The following CHCHD3 variants were observed in gnomAD, a reference collection of about 807,000 sequenced individuals.
The protein encoded by CHCHD3 is MICOS complex subunit MIC19.
A neutral mutation model predicts 38.2 loss-of-function variants in CHCHD3; 20 were observed. That is an observed-to-expected ratio of 0.52 (90% CI 0.37 to 0.76). CHCHD3 has a LOEUF of 0.76. CHCHD3 is among the 30% of genes least tolerant of loss of function. The pLI, the probability that CHCHD3 is intolerant of heterozygous loss-of-function variation, is 0.00. For missense variants in CHCHD3, 245 were observed against 279.2 expected (o/e 0.88, Z 0.87); for synonymous variants, 82 against 100.0 (o/e 0.82, Z 1.07).
chr7:132,800,250 C>T (rs1478095311), intron 6 of CHCHD3, among the ~76,000 whole-genome samples: 1 of 152,086 alleles, frequency 6.6e-6, no homozygotes, highest in Non-Finnish European at 1.5e-5. Context: ...TATTAACTAC[C>T]ATTTCTGATT....
At chr7:132,954,559 C>A (rs977923150) in intron 4 of CHCHD3, among the ~76,000 whole-genome samples, 2 of 152,130 alleles carry the variant, frequency 1.3e-5, no homozygotes, top group African/African-American at 2.4e-5. Context: ...GTGACAATGC[C>A]AACATGGGGC....
chr7:132,996,734 G>A (rs1812427083), intron 3 of CHCHD3, among the ~76,000 whole-genome samples: 1 of 152,176 alleles, frequency 6.6e-6, no homozygotes, highest in African/African-American at 2.4e-5. Flanking sequence ...AAGGGAAGAG[G>A]CAGCGGTGCG....
At chr7:132,960,328 A>T in intron 4 of CHCHD3, among the ~76,000 whole-genome samples, 1 of 152,184 alleles carries the variant, frequency 6.6e-6, no homozygotes, top group East Asian at 1.9e-4. Context: ...GCATATGTAC[A>T]GTTAGAGATG....
intron 4 of CHCHD3, among the ~76,000 whole-genome samples, chr7:132,911,704 T>C (rs933249095): frequency 6.6e-6 from 1 of 152,222 alleles, no homozygotes; most frequent in African/African-American, 2.4e-5. Flanking sequence ...TTAGTGTCTT[T>C]TGTGATGGCT....
At chr7:133,061,651 C>T (rs1375731739) in intron 2 of CHCHD3, among the ~76,000 whole-genome samples, 1 of 152,076 alleles carries the variant, frequency 6.6e-6, no homozygotes, top group Non-Finnish European at 1.5e-5. Flanking sequence ...TTTCAAACAC[C>T]TTGTATCTTT....
chr7:132,894,245 T>C (rs1261745520), intron 4 of CHCHD3, among the ~76,000 whole-genome samples: 1 of 152,196 alleles, frequency 6.6e-6, no homozygotes, highest in African/African-American at 2.4e-5. Flanking sequence ...GAGGGAACAA[T>C]TGTAAACTAT....
chr7:132,976,441 A>C (rs906013972), intron 3 of CHCHD3, among the ~76,000 whole-genome samples: 1 of 152,216 alleles, frequency 6.6e-6, no homozygotes, highest in Non-Finnish European at 1.5e-5. Flanking sequence ...ATTGTACATG[A>C]TAAAGATAAA....
Position 132,983,120 on chromosome 7 carries a change from G to C in CHCHD3, c.252-7834C>G, listed in dbSNP as rs373177677. Reference sequence around the variant, plus strand: ...GTGGATTACCTGAGGTCAGGAGTTCGAGACCAGCCTAGCCAACATGGCGAA... The same window carrying C: ...GTGGATTACCTGAGGTCAGGAGTTCCAGACCAGCCTAGCCAACATGGCGAA... On this transcript the variant is annotated intron_variant, in intron 3 of 7. Transcript: ENST00000262570. Among the ~76,000 whole-genome samples the C allele has an allele frequency of 5.9e-5, 9 of 151,930 alleles. No homozygotes were observed. The South Asian group carries it at 1.7e-3, about 29-fold the overall frequency.
chr7:132,980,042 G>A (rs1159964525), intron 3 of CHCHD3, among the ~76,000 whole-genome samples: 1 of 152,162 alleles, frequency 6.6e-6, no homozygotes, highest in Non-Finnish European at 1.5e-5. Context: ...ACCGCATGGA[G>A]CTATACTATT....
At chr7:132,992,998 C>A (rs926301202) in intron 3 of CHCHD3, among the ~76,000 whole-genome samples, 4 of 152,212 alleles carry the variant, frequency 2.6e-5, no homozygotes, top group Non-Finnish European at 4.4e-5. Context: ...TGTGGGCTTG[C>A]AGTCCTTTTA....
chr7:132,786,670 G>A lies in CHCHD3; in HGVS notation c.661-1010C>T, dbSNP rs375758154. Among the ~76,000 whole-genome samples the A allele has an allele frequency of 2.0e-4, 30 of 152,114 alleles. No individual in the cohort carries two copies. The South Asian group carries it at 5.6e-3, about 28-fold the overall frequency. ...ATTCCCACCTGCCTCCCGCCAACCC[G>A]CACCCTTCCAGCCATCTCTTCATTG... On this transcript the variant is annotated intron_variant, in intron 7 of 7. Coordinates refer to ENST00000262570, the MANE Select transcript of CHCHD3 (RefSeq NM_017812.4).
At chr7:133,008,550 CAA>C (rs1004500837) in intron 3 of CHCHD3, among the ~76,000 whole-genome samples, 2 of 152,086 alleles carry the variant, frequency 1.3e-5, no homozygotes, top group African/African-American at 4.8e-5. Context: ...CATAACATCT[CAA>C]AGTCTTACAA....
chr7:132,794,181 G>A (rs1419592810), intron 7 of CHCHD3, among the ~76,000 whole-genome samples: 9 of 152,094 alleles, frequency 5.9e-5, no homozygotes, highest in Admixed American at 2.0e-4. Flanking sequence ...TCCCTTTATC[G>A]CTTTCGCTCT....
rs540453092 is a variant in CHCHD3 at position 132,788,302 on chromosome 7, T to TG, written c.661-2643dup. Among the ~76,000 whole-genome samples, 4 of 152,198 alleles carry TG rather than the reference T, an allele frequency of 2.6e-5. No individual in the cohort carries two copies. Among genetic ancestry groups the TG allele is most frequent in the South Asian group, 4.2e-4 (2 of 4,808 alleles). ...ATGATGCCACTTAGCCATTTGCATT[T>TG]GGGGGGGTTATAGATTCACTGCTTT... is the stretch of plus-strand genomic sequence containing the variant. On this transcript the variant is annotated intron_variant, in intron 7 of 7. Transcript: ENST00000262570. The surrounding 1 kb of genome is among the most constrained non-coding windows in gnomAD (Gnocchi z 4.0).
intron 5 of CHCHD3, among the ~76,000 whole-genome samples, chr7:132,868,511 C>T (rs971460127): frequency 7.2e-4 from 109 of 152,194 alleles, no homozygotes; most frequent in East Asian, 7.7e-4. Flanking sequence ...TATGCTGAGA[C>T]CTTTAGTTTT....
chr7:133,038,969 T>C (rs758025426), intron 2 of CHCHD3, among the ~76,000 whole-genome samples: 22 of 152,220 alleles, frequency 1.4e-4, no homozygotes, highest in Admixed American at 5.2e-4. Context: ...AAATAAAACA[T>C]TTAATAGTCC....
chr7:133,072,466 C>T (rs763427737), intron 1 of CHCHD3, among the ~76,000 whole-genome samples: 1 of 151,998 alleles, frequency 6.6e-6, no homozygotes, highest in Non-Finnish European at 1.5e-5. Context: ...GAAGCATAGC[C>T]GGATTAAATA....
chr7:132,791,835 A>G lies in CHCHD3; in HGVS notation c.660+4607T>C, dbSNP rs910464747. 2.0e-5 allele frequency among the ~76,000 whole-genome samples: 3 copies of G among 152,184 alleles called. No homozygotes were observed. The South Asian group carries it at 6.2e-4, about 32-fold the overall frequency. On this transcript the variant is annotated intron_variant, in intron 7 of 7. Transcript: ENST00000262570. ...CCTTAAGTTGGAGAGCTGTCACATT[A>G]GGATCTAGCCTCATTTACTGGGTCC...
intron 3 of CHCHD3, among the ~76,000 whole-genome samples, chr7:133,015,301 C>CCACT (rs1334909888): frequency 1.3e-5 from 2 of 151,716 alleles, no homozygotes; most frequent in Non-Finnish European, 2.9e-5. Context: ...CTAGATTGTG[C>CCACT]CACTGCACTC....
Sources: gnomAD v4.1 joint callset for allele counts (sites outside exome capture counted in the v4.1 genomes callset) on GRCh38, gnomAD v4.1.1 for gene constraint, Gnocchi (gnomAD v3.1) non-coding constraint, MANE v1.5 for transcripts, NCBI Gene and HGNC (gene_info 2026-07-23, HGNC 2026-07-21) for gene names.